The following CTNNA3 variants were observed in gnomAD, a reference collection of about 807,000 sequenced individuals.
CTNNA3 encodes catenin alpha-3.
CTNNA3 carries 76 observed loss-of-function variants against 95.7 expected under a neutral mutation model. The observed-to-expected ratio is 0.79, with a 90% CI of 0.66 to 0.96. The LOEUF (loss-of-function observed/expected upper bound fraction) is 0.96, where lower values mean the gene tolerates loss of function less well. Ranked by LOEUF, CTNNA3 falls within the 40% of genes least tolerant of loss-of-function variation. CTNNA3 has a pLI of 0.00. For synonymous variants in CTNNA3, 431 were observed against 374.4 expected (o/e 1.15, Z -1.74); for missense variants, 1,191 against 1,089.8 (o/e 1.09, Z -1.31).
At chr10:66,553,846 C>T (rs1842306307) in intron 10 of CTNNA3, among the ~76,000 whole-genome samples, 1 of 152,144 alleles carries the variant, frequency 6.6e-6, no homozygotes, top group East Asian at 1.9e-4. Context: ...AATACTTTTA[C>T]TCTCCTTTTG....
At chr10:66,043,039 T>C (rs545642721) in intron 15 of CTNNA3, among the ~76,000 whole-genome samples, 6 of 147,082 alleles carry the variant, frequency 4.1e-5, no homozygotes, top group African/African-American at 1.3e-4. Context: ...TCTAATTACA[T>C]TGAGGCCAGA....
intron 3 of CTNNA3, among the ~76,000 whole-genome samples, chr10:67,546,758 T>G (rs1038993775): frequency 2.0e-5 from 3 of 152,200 alleles, no homozygotes; most frequent in Non-Finnish European, 4.4e-5. Flanking sequence ...TTAATTCTTT[T>G]GAGGTGAAAA....
intron 11 of CTNNA3, among the ~76,000 whole-genome samples, chr10:66,398,718 CTT>C (rs1450792088): frequency 1.3e-5 from 2 of 151,900 alleles, no homozygotes; most frequent in Non-Finnish European, 2.9e-5. Flanking sequence ...ATAATCTTCT[CTT>C]TTACTCAATT....
At chr10:66,850,585 C>T (rs547591569) in intron 7 of CTNNA3, among the ~76,000 whole-genome samples, 51 of 151,858 alleles carry the variant, frequency 3.4e-4, no homozygotes, top group Non-Finnish European at 5.6e-4. Context: ...GGTAGTGTAT[C>T]CTATATGATT....
chr10:66,355,799 T>G (rs989161433), intron 12 of CTNNA3, among the ~76,000 whole-genome samples: 9 of 152,018 alleles, frequency 5.9e-5, no homozygotes, highest in Non-Finnish European at 1.2e-4. Flanking sequence ...TCACAAAAAT[T>G]TATCCTATGT....
At chr10:66,919,489 G>A (rs1846678067) in intron 7 of CTNNA3, among the ~76,000 whole-genome samples, 1 of 152,142 alleles carries the variant, frequency 6.6e-6, no homozygotes, top group South Asian at 2.1e-4. Context: ...AATAAAACCT[G>A]AGAATATGGA....
At chr10:67,547,120 A>G (rs1470069399) in intron 3 of CTNNA3, among the ~76,000 whole-genome samples, 1 of 152,204 alleles carries the variant, frequency 6.6e-6, no homozygotes, top group East Asian at 1.9e-4. Flanking sequence ...GAACCACTTC[A>G]ATGAGAAGAT....
chr10:67,755,819 A>AAAG (rs1554881125), intron 1 of CTNNA3, among the ~76,000 whole-genome samples: 108 of 145,214 alleles, frequency 7.4e-4, no homozygotes, highest in African/African-American at 2.1e-3. Flanking sequence ...AAAAAAAAAA[A>AAAG]AAAGAAAGAA....
chr10:65,955,795 T>G (rs1189908843), intron 17 of CTNNA3, among the ~76,000 whole-genome samples: 2 of 152,154 alleles, frequency 1.3e-5, no homozygotes, highest in Non-Finnish European at 2.9e-5. Context: ...TTTGCCAGTA[T>G]TTTACTGAGG....
intron 9 of CTNNA3, among the ~76,000 whole-genome samples, chr10:66,749,470 C>A (rs1165462611): frequency 6.6e-6 from 1 of 152,076 alleles, no homozygotes; most frequent in African/African-American, 2.4e-5. Context: ...TAGGATGTAT[C>A]CTTTCAGATT....
chr10:67,031,400 T>C (rs1359747798), intron 7 of CTNNA3, among the ~76,000 whole-genome samples: 2 of 152,208 alleles, frequency 1.3e-5, no homozygotes, highest in African/African-American at 4.8e-5. Flanking sequence ...TCTTCACTTC[T>C]GGCTACATTA....
chr10:66,327,916 C>A (rs2092275883), intron 12 of CTNNA3, among the ~76,000 whole-genome samples: 1 of 152,094 alleles, frequency 6.6e-6, no homozygotes, highest in African/African-American at 2.4e-5. Context: ...TAACTTCAAT[C>A]ATTTTATGAG....
At chr10:66,520,346 G>A (rs1841015559) in intron 11 of CTNNA3, among the ~76,000 whole-genome samples, 1 of 147,294 alleles carries the variant, frequency 6.8e-6, no homozygotes, top group Non-Finnish European at 1.5e-5. Context: ...CTGCCTCCTG[G>A]GTTCAAGCAA....
At chr10:67,573,469 A>G (rs1322777107) in intron 3 of CTNNA3, among the ~76,000 whole-genome samples, 3 of 152,102 alleles carry the variant, frequency 2.0e-5, no homozygotes, top group Non-Finnish European at 4.4e-5. Context: ...ACTATGAGAC[A>G]GAGAACAGGT....
rs906803857 is a variant in CTNNA3 at position 66,442,603 on chromosome 10, GA to G, written c.1532-63252del. The stretch of plus-strand genomic sequence containing the variant: ...CCAAAGAAAGTTGCATTGATGAATA[GA>G]AAAAAAATAGCTTTATTCCCCTACT... On this transcript the variant is annotated intron_variant, in intron 11 of 17. Transcript: ENST00000433211. Among the ~76,000 whole-genome samples the G allele has an allele frequency of 4.0e-5, 6 of 151,770 alleles. No homozygotes were observed. The South Asian group carries it at 1.0e-3, about 26-fold the overall frequency.
chr10:66,157,590 T>C (rs1409364637), intron 13 of CTNNA3, among the ~76,000 whole-genome samples: 1 of 152,062 alleles, frequency 6.6e-6, no homozygotes, highest in East Asian at 1.9e-4. Context: ...TTGTGTTGGT[T>C]CCACAATTTT....
At chr10:67,745,234 C>G (rs1841367543) in intron 1 of CTNNA3, among the ~76,000 whole-genome samples, 1 of 152,042 alleles carries the variant, frequency 6.6e-6, no homozygotes. Context: ...GCACTATTCA[C>G]GATAGCCAAG....
chr10:67,597,989 G>C (rs761686397), intron 3 of CTNNA3, among the ~76,000 whole-genome samples: 6 of 152,164 alleles, frequency 3.9e-5, no homozygotes, highest in Non-Finnish European at 8.8e-5. Flanking sequence ...GGCGTCTGAG[G>C]CTGTACTGCA....
chr10:67,757,205 A>G lies in CTNNA3; in HGVS notation c.-2+6229T>C, dbSNP rs542492495. 5.9e-5 allele frequency among the ~76,000 whole-genome samples: 9 copies of G among 152,356 alleles called. No homozygotes were observed. The East Asian group carries it at 1.7e-3, about 29-fold the overall frequency. On this transcript the variant is annotated intron_variant, in intron 1 of 17. Transcript: ENST00000684154. ...GTTATCTATTGCTGTATGACAAACT[A>G]TCCCTAAACATGGCAGCTTTAAACA...
Sources: allele counts gnomAD v4.1 joint callset (sites outside exome capture counted in the v4.1 genomes callset), GRCh38; gene constraint gnomAD v4.1.1; transcripts MANE v1.5; gene names NCBI Gene and HGNC (gene_info 2026-07-23, HGNC 2026-07-21).